Variants in MPPED1 observed in about 807,000 individuals in gnomAD.
MPPED1 encodes the protein metallophosphoesterase domain-containing protein 1.
In MPPED1, 16 loss-of-function variants were observed where a neutral mutation model predicts 36.2. The ratio of observed to expected loss-of-function variants is 0.44; its 90% CI spans 0.30 to 0.67. The LOEUF (loss-of-function observed/expected upper bound fraction) is 0.67, where lower values mean the gene tolerates loss of function less well. MPPED1 is among the 30% of genes least tolerant of loss of function. The pLI is 0.10. For synonymous variants in MPPED1, 199 were observed against 191.3 expected (o/e 1.04, Z -0.33); for missense variants, 307 against 453.4 (o/e 0.68, Z 2.93).
At chr22:43,497,014 AG>A (rs1932426267) in intron 4 of MPPED1, among the ~76,000 whole-genome samples, 3 of 26,890 alleles carry the variant, frequency 1.1e-4, no homozygotes, top group African/African-American at 4.8e-4. Context: ...TGGTGGAGGT[AG>A]TGGTGGTGGA....
chr22:43,420,562 G>A (rs150677899), intron 1 of MPPED1, among the ~76,000 whole-genome samples: 3,112 of 152,014 alleles, frequency 0.02, 73 homozygotes, highest in South Asian at 0.12. Flanking sequence ...CCACCACCAC[G>A]CCTGGCTGTT....
At chr22:43,478,038 AC>A (rs1326778828) in intron 4 of MPPED1, among the ~76,000 whole-genome samples, 1 of 152,158 alleles carries the variant, frequency 6.6e-6, no homozygotes, top group African/African-American at 2.4e-5. Context: ...TATTCCACAA[AC>A]CCCAAGGCAG....
At chr22:43,419,691 C>T (rs1338020514) in intron 1 of MPPED1, among the ~76,000 whole-genome samples, 2 of 148,980 alleles carry the variant, frequency 1.3e-5, no homozygotes, top group Non-Finnish European at 3.0e-5. Context: ...TGTGGTGTGA[C>T]CATGGTGATG....
At chr22:43,452,018 CTTTCT>C (rs994639088) in intron 3 of MPPED1, among the ~76,000 whole-genome samples, 1 of 148,054 alleles carries the variant, frequency 6.8e-6, no homozygotes, top group African/African-American at 2.6e-5. Flanking sequence ...TTCTTTTTTT[CTTTCT>C]TTTTTTTTTT....
At chr22:43,501,913 A>C (rs1344528684) in intron 5 of MPPED1, among the ~76,000 whole-genome samples, 1 of 151,490 alleles carries the variant, frequency 6.6e-6, no homozygotes, top group Non-Finnish European at 1.5e-5. Context: ...TTTGAGTGGA[A>C]GCTTCCCCTG....
chr22:43,474,079 A>G lies in MPPED1; in HGVS notation c.407-657A>G, dbSNP rs947941132. Among the ~76,000 whole-genome samples the G allele has an allele frequency of 2.6e-5, 4 of 152,222 alleles. No homozygotes were observed. The highest frequency in any genetic ancestry group is 5.9e-5 in the Non-Finnish European group (4 of 68,040). On this transcript the variant is annotated intron_variant, in intron 3 of 6. Coordinates refer to ENST00000443721, the MANE Select transcript of MPPED1 (RefSeq NM_001044370.2). This position sits in a 1 kb window ranked among gnomAD's most constrained non-coding sequence, Gnocchi z 5.2. ...AATGTTTCCTGAGTGTGGGGTCTCC[A>G]AACATTTGAACTGGGCTCTGCAAAG...
intron 3 of MPPED1, among the ~76,000 whole-genome samples, chr22:43,452,843 G>T (rs1274441548): frequency 6.6e-6 from 1 of 151,798 alleles, no homozygotes; most frequent in Non-Finnish European, 1.5e-5. Context: ...TTCCCAGGCT[G>T]GTCTGAAACT....
At chr22:43,465,274 C>G (rs1931125969) in intron 3 of MPPED1, among the ~76,000 whole-genome samples, 1 of 152,218 alleles carries the variant, frequency 6.6e-6, no homozygotes, top group African/African-American at 2.4e-5. Context: ...TGAACGGAGA[C>G]CATGACAGTT....
intron 3 of MPPED1, among the ~76,000 whole-genome samples, chr22:43,444,420 G>T (rs889560733): frequency 1.4e-5 from 2 of 143,004 alleles, no homozygotes; most frequent in Non-Finnish European, 3.0e-5. Flanking sequence ...AGGCTAGAGT[G>T]CAACGGCGCG....
At chr22:43,449,630 G>T (rs1930493119) in intron 3 of MPPED1, among the ~76,000 whole-genome samples, 1 of 152,142 alleles carries the variant, frequency 6.6e-6, no homozygotes, top group African/African-American at 2.4e-5. Context: ...CTGCCACCCA[G>T]CGAGGGAGGG....
intron 4 of MPPED1, among the ~76,000 whole-genome samples, chr22:43,483,501 C>A (rs572334197): frequency 1.3e-5 from 2 of 152,278 alleles, no homozygotes; most frequent in Non-Finnish European, 2.9e-5. Context: ...GCCACGCCCT[C>A]GGTGCCTCCT....
chr22:43,424,118 G>C (rs920279416), intron 1 of MPPED1, among the ~76,000 whole-genome samples: 3 of 152,142 alleles, frequency 2.0e-5, no homozygotes, highest in Non-Finnish European at 4.4e-5. Flanking sequence ...CCGTGAAAAA[G>C]ATTTGAAAAA....
intron 1 of MPPED1, chr22:43,417,807 T>G: frequency 3.4e-6 from 1 of 295,262 alleles, no homozygotes; most frequent in Non-Finnish European, 6.7e-6. Flanking sequence ...GCTGCACTTT[T>G]GGCTGTCCCA....
At chr22:43,440,374 T>C (rs1930108149) in intron 3 of MPPED1, among the ~76,000 whole-genome samples, 1 of 151,990 alleles carries the variant, frequency 6.6e-6, no homozygotes, top group Admixed American at 6.5e-5. Context: ...CTGGACCTGA[T>C]GAAATGTGCT....
At chr22:43,501,449 C>G (rs570666762) in intron 5 of MPPED1, among the ~76,000 whole-genome samples, 1 of 152,082 alleles carries the variant, frequency 6.6e-6, no homozygotes, top group Non-Finnish European at 1.5e-5. Context: ...TGGCTTCCTG[C>G]TCTCCAGACG....
At chr22:43,499,550 G>A (rs1379640540) in intron 5 of MPPED1, among the ~76,000 whole-genome samples, 1 of 142,356 alleles carries the variant, frequency 7.0e-6, no homozygotes, top group African/African-American at 2.7e-5. Flanking sequence ...GATGGTGGGT[G>A]GTGGTGGAGG....
chr22:43,450,236 C>A (rs1379346899), intron 3 of MPPED1, among the ~76,000 whole-genome samples: 3 of 152,172 alleles, frequency 2.0e-5, no homozygotes, highest in Non-Finnish European at 4.4e-5. Flanking sequence ...TAGTTTAATT[C>A]CTGAATGAGA....
intron 3 of MPPED1, among the ~76,000 whole-genome samples, chr22:43,445,173 A>G (rs560987528): frequency 6.6e-6 from 1 of 152,182 alleles, no homozygotes; most frequent in South Asian, 2.1e-4. Flanking sequence ...TTGAAGGCCT[A>G]TTCCTGTGCC....
intron 1 of MPPED1, among the ~76,000 whole-genome samples, chr22:43,420,366 G>T (rs1159347036): frequency 6.6e-6 from 1 of 152,074 alleles, no homozygotes; most frequent in Non-Finnish European, 1.5e-5. Flanking sequence ...TCCCCAGGTC[G>T]GGGTGTCATT....
Sources: allele counts gnomAD v4.1 joint callset (sites outside exome capture counted in the v4.1 genomes callset), GRCh38; gene constraint gnomAD v4.1.1; non-coding constraint Gnocchi (gnomAD v3.1); transcripts MANE v1.5; gene names NCBI Gene and HGNC (gene_info 2026-07-23, HGNC 2026-07-21).